The following NEURL1B variants were observed in gnomAD, a reference collection of about 807,000 sequenced individuals.
The protein encoded by NEURL1B is neuralized E3 ubiquitin protein ligase 1B, also known as E3 ubiquitin-protein ligase NEURL1B.
NEURL1B carries 13 observed loss-of-function variants against 37.4 expected under a neutral mutation model. That is an observed-to-expected ratio of 0.35 (90% CI 0.23 to 0.55). The LOEUF is 0.55. Among genes scored for constraint, NEURL1B ranks in the 20% least tolerant of loss-of-function variants. NEURL1B has a pLI of 0.89. For synonymous variants in NEURL1B, 432 were observed against 426.6 expected (o/e 1.01, Z -0.16); for missense variants, 790 against 879.2 (o/e 0.90, Z 1.28).
In NEURL1B at chr5:172,686,964, C is replaced by T; in HGVS notation, c.*39C>T. On this transcript the variant is annotated 3_prime_UTR_variant, in exon 5 of 5. Transcript: ENST00000369800. This position sits in a 1 kb window ranked among gnomAD's most constrained non-coding sequence, Gnocchi z 7.9. ...CGGGCCTTGGCCGGTGCAAGGTCAC[C>T]TTTCTGAAGGCCCCCTGGGCTGGGC... 1 of 1,524,108 alleles carries T rather than the reference C, an allele frequency of 6.6e-7. No homozygotes were observed. The allele number at this position is 1,524,108 out of a possible 1,614,324, so 94.4% of individuals were successfully genotyped here. A position where few individuals can be genotyped will look rare whatever the true frequency, so the allele number is the denominator to read the frequency against.
chr5:172,651,084 T>G (rs1228107919), intron 1 of NEURL1B, among the ~76,000 whole-genome samples: 1 of 152,218 alleles, frequency 6.6e-6, no homozygotes, highest in Non-Finnish European at 1.5e-5. Context: ...AGTTTAAAAG[T>G]AGAAGGCAAA....
At chr5:172,645,913 C>A (rs1426651612) in intron 1 of NEURL1B, among the ~76,000 whole-genome samples, 1 of 152,218 alleles carries the variant, frequency 6.6e-6, no homozygotes, top group Admixed American at 6.5e-5. Flanking sequence ...CATGTGGTCT[C>A]TCCACCGTGG....
Position 172,690,521 on chromosome 5 carries a change from G to A in NEURL1B, c.*3596G>A, listed in dbSNP as rs1384851812. The A allele has an allele frequency of 3.9e-5, 6 of 152,272 alleles. No homozygotes were observed. The allele number at this position is 152,272 out of a possible 1,614,324, so 9.4% of individuals were successfully genotyped here. A position where few individuals can be genotyped will look rare whatever the true frequency, so the allele number is the denominator to read the frequency against. ...AAGATACTCCAGAAACATTTGCTGA[G>A]TACCTAGTACGTGTGAGGTGCTGTG... On this transcript the variant is annotated 3_prime_UTR_variant, in exon 5 of 5. Coordinates refer to ENST00000369800, the MANE Select transcript of NEURL1B (RefSeq NM_001142651.3).
intron 1 of NEURL1B, among the ~76,000 whole-genome samples, chr5:172,649,214 T>C (rs1757614374): frequency 1.3e-5 from 2 of 152,108 alleles, no homozygotes; most frequent in African/African-American, 4.8e-5. Flanking sequence ...CTTGACATGG[T>C]TCTTGCAGAG....
Position 172,661,014 on chromosome 5 carries a change from C to T in NEURL1B, c.32-8771C>T, listed in dbSNP as rs1177484896. ...GGCAAAGGTGACTGATATCTTGGCCCCTCTGGATATGGCGGGAAGCCTTGC... is the reference window on the plus strand; with the variant it reads ...GGCAAAGGTGACTGATATCTTGGCCTCTCTGGATATGGCGGGAAGCCTTGC... On this transcript the variant is annotated intron_variant, in intron 1 of 4. Transcript: ENST00000369800. This position sits in a 1 kb window ranked among gnomAD's most constrained non-coding sequence, Gnocchi z 4.0. Among the ~76,000 whole-genome samples the T allele has an allele frequency of 6.6e-6, 1 of 152,160 alleles. No homozygotes were observed. The highest frequency in any genetic ancestry group is 1.9e-4 in the East Asian group (1 of 5,204).
chr5:172,654,393 C>A (rs1216754364), intron 1 of NEURL1B, among the ~76,000 whole-genome samples: 1 of 152,134 alleles, frequency 6.6e-6, no homozygotes, highest in African/African-American at 2.4e-5. Context: ...CTGGGAGGAA[C>A]CATCTATCGT....
rs1465166833 is a variant in NEURL1B, at chr5:172,642,980, A to C, written c.31+1543A>C. 2.6e-5 allele frequency among the ~76,000 whole-genome samples: 4 copies of C among 152,264 alleles called. No homozygotes were observed. In the East Asian group the frequency reaches 7.7e-4, roughly 29 times the overall value. ...CCCCTTTCCTTGGTTTCTTAATTTA[A>C]AAATGTTTATACTATTCTAGTAAAA... is the stretch of plus-strand genomic sequence containing the variant. On this transcript the variant is annotated intron_variant, in intron 1 of 4. Coordinates refer to ENST00000369800, the MANE Select transcript of NEURL1B (RefSeq NM_001142651.3).
intron 2 of NEURL1B, among the ~76,000 whole-genome samples, chr5:172,680,027 G>C (rs1013345435): frequency 6.6e-6 from 1 of 152,156 alleles, no homozygotes; most frequent in South Asian, 2.1e-4. Context: ...CCACTTGAAA[G>C]GGAATTCCAT....
Position 172,641,361 on chromosome 5 carries a change from CGCGCGCCCAGA to C in NEURL1B, c.-38_-28del, listed in dbSNP as rs1194824975. 104 of 1,378,626 alleles carry C rather than the reference CGCGCGCCCAGA, an allele frequency of 7.5e-5. No homozygotes were observed. The highest frequency in any genetic ancestry group is 9.1e-5 in the Non-Finnish European group (97 of 1,065,952). The allele number at this position is 1,378,626 out of a possible 1,614,324, so 85.4% of individuals were successfully genotyped here. On this transcript the variant is annotated 5_prime_UTR_variant, in exon 1 of 5. Coordinates refer to ENST00000369800, the MANE Select transcript of NEURL1B (RefSeq NM_001142651.3). This position sits in a 1 kb window ranked among gnomAD's most constrained non-coding sequence, Gnocchi z 6.4. The stretch of plus-strand genomic sequence containing the variant: ...CCTGGCCCGCCGCGTAATTAGCCTC[CGCGCGCCCAGA>C]GCGCGCCGCCGCCAACGCCGCGCCC...
intron 3 of NEURL1B, among the ~76,000 whole-genome samples, 176 bp downstream of exon 3, chr5:172,684,314 G>A (rs2113335261): frequency 6.6e-6 from 1 of 152,106 alleles, no homozygotes; most frequent in African/African-American, 2.4e-5. Context: ...CAAAATTGCC[G>A]GACTCCACCC....
chr5:172,665,362 G>A lies in NEURL1B; in HGVS notation c.32-4423G>A, dbSNP rs1163886343. ...TGCCGATGGTCTGCACCCGGGTGCTGTTTCCCCTGCTCACTTGGGATTTGT... is the reference window on the plus strand; with the variant it reads ...TGCCGATGGTCTGCACCCGGGTGCTATTTCCCCTGCTCACTTGGGATTTGT... On this transcript the variant is annotated intron_variant, in intron 1 of 4. Coordinates refer to ENST00000369800, the MANE Select transcript of NEURL1B (RefSeq NM_001142651.3). This position sits in a 1 kb window ranked among gnomAD's most constrained non-coding sequence, Gnocchi z 4.1. Among the ~76,000 whole-genome samples the A allele has an allele frequency of 6.6e-6, 1 of 152,206 alleles. No homozygotes were observed. The highest frequency in any genetic ancestry group is 2.4e-5 in the African/African-American group (1 of 41,456).
At chr5:172,660,653 T>G (rs1344741989) in intron 1 of NEURL1B, among the ~76,000 whole-genome samples, 1 of 152,204 alleles carries the variant, frequency 6.6e-6, no homozygotes, top group Non-Finnish European at 1.5e-5. Flanking sequence ...TCTCTTTATT[T>G]TTTTTGAGAT....
intron 2 of NEURL1B, among the ~76,000 whole-genome samples, chr5:172,680,307 G>C (rs1313219920): frequency 2.0e-5 from 3 of 152,160 alleles, no homozygotes; most frequent in Non-Finnish European, 4.4e-5. Flanking sequence ...AAAAGCCAAA[G>C]CCAGGACTTG....
At chr5:172,677,443 G>C (rs1758252328) in intron 2 of NEURL1B, among the ~76,000 whole-genome samples, 1 of 152,116 alleles carries the variant, frequency 6.6e-6, no homozygotes, top group Non-Finnish European at 1.5e-5. Context: ...ATGGGATGAG[G>C]GTCCCCACTT....
Position 172,661,335 on chromosome 5 carries a change from G to C in NEURL1B, c.32-8450G>C, listed in dbSNP as rs894879737. ...ATATCAGATTGTGCATGGAGTCTGG[G>C]TATGTTTCTGGCGGGGAAGCCTCTA... On this transcript the variant is annotated intron_variant, in intron 1 of 4. Transcript: ENST00000369800. This position sits in a 1 kb window ranked among gnomAD's most constrained non-coding sequence, Gnocchi z 4.0. Among the ~76,000 whole-genome samples the C allele has an allele frequency of 1.3e-5, 2 of 152,182 alleles. No homozygotes were observed. The highest frequency in any genetic ancestry group is 2.9e-5 in the Non-Finnish European group (2 of 68,040).
intron 1 of NEURL1B, among the ~76,000 whole-genome samples, chr5:172,655,886 GC>G (rs1294088756): frequency 6.6e-6 from 1 of 152,180 alleles, no homozygotes; most frequent in Admixed American, 6.5e-5. Flanking sequence ...TCACGGGCGA[GC>G]CCCCAAATTG....
intron 2 of NEURL1B, among the ~76,000 whole-genome samples, chr5:172,682,218 A>C (rs1360892028): frequency 7.9e-5 from 12 of 152,276 alleles, no homozygotes. Context: ...TGTCATATGA[A>C]GAACATTTTT....
At chr5:172,645,562 C>A (rs775040019) in intron 1 of NEURL1B, among the ~76,000 whole-genome samples, 1 of 152,170 alleles carries the variant, frequency 6.6e-6, no homozygotes, top group Non-Finnish European at 1.5e-5. Context: ...CATGGCAATA[C>A]TGCATGGATG....
In NEURL1B at chr5:172,683,515, A is replaced by C; in HGVS notation, c.674A>C (p.Asp225Ala). 1 of 1,502,532 alleles carries C rather than the reference A, an allele frequency of 6.7e-7. No homozygotes were observed. The highest frequency in any genetic ancestry group is 8.8e-7 in the Non-Finnish European group (1 of 1,130,842). The allele number at this position is 1,502,532 out of a possible 1,614,324, so 93.1% of individuals were successfully genotyped here. A position where few individuals can be genotyped will look rare whatever the true frequency, so the allele number is the denominator to read the frequency against. Residue 225 changes from aspartate to alanine, a missense_variant, in exon 3 of 5, where the codon GAC becomes GCC. Asp to Ala is a moderately radical substitution (Grantham distance 126). Coordinates refer to ENST00000369800, the MANE Select transcript of NEURL1B (RefSeq NM_001142651.3). The surrounding 1 kb of genome is among the most constrained non-coding windows in gnomAD (Gnocchi z 5.6). The part of the protein sequence containing the change: ...PPSSHDAANF[D>A]NNELENNQVV... ...AGCAGCCACGACGCGGCCAACTTCG[A>C]CAACAACGAGCTCGAGAACAACCAG...
Sources: gnomAD v4.1 joint callset for allele counts (sites outside exome capture counted in the v4.1 genomes callset) on GRCh38, gnomAD v4.1.1 for gene constraint, Gnocchi (gnomAD v3.1) non-coding constraint, MANE v1.5 for transcripts, NCBI Gene and HGNC (gene_info 2026-07-23, HGNC 2026-07-21) for gene names.